Variants in PRKD1 observed in about 807,000 individuals in gnomAD.
The protein encoded by PRKD1 is serine/threonine-protein kinase D1.
Under a neutral mutation model 95.9 loss-of-function variants are expected in PRKD1, and 63 were observed. That is an observed-to-expected ratio of 0.66 (90% CI 0.54 to 0.81). The LOEUF is 0.81. Ranked by LOEUF, PRKD1 falls within the 30% of genes least tolerant of loss-of-function variation. The pLI is 0.00. For synonymous variants in PRKD1, 425 were observed against 423.1 expected (o/e 1.00, Z -0.05); for missense variants, 1,048 against 1,165.3 (o/e 0.90, Z 1.47).
In PRKD1 at chr14:29,894,620, C is replaced by T. The variant is rs553957324; in HGVS notation, c.264+32629G>A. 5.3e-5 allele frequency among the ~76,000 whole-genome samples: 8 copies of T among 152,240 alleles called. No homozygotes were observed. The South Asian group carries it at 1.0e-3, about 20-fold the overall frequency. On this transcript the variant is annotated intron_variant, in intron 1 of 17. Coordinates refer to ENST00000331968, the MANE Select transcript of PRKD1 (RefSeq NM_002742.3). Reference sequence around the variant, plus strand: ...ACTTGTAGTATAGCAAAACTGACAACGTCTATCTAGGACCATGGGGTTAAC... The same window carrying T: ...ACTTGTAGTATAGCAAAACTGACAATGTCTATCTAGGACCATGGGGTTAAC...
intron 7 of PRKD1, among the ~76,000 whole-genome samples, chr14:29,635,223 A>G (rs915884012): frequency 1.3e-5 from 2 of 152,194 alleles, no homozygotes; most frequent in African/African-American, 4.8e-5. Context: ...TCAATCATTT[A>G]GAGATTACAT....
intron 2 of PRKD1, among the ~76,000 whole-genome samples, chr14:29,721,589 T>C (rs941400374): frequency 2.6e-5 from 4 of 152,156 alleles, no homozygotes; most frequent in Non-Finnish European, 4.4e-5. Flanking sequence ...CAGGATTTGA[T>C]AGAGGCCCAT....
intron 4 of PRKD1, among the ~76,000 whole-genome samples, chr14:29,651,732 TTTTA>T (rs1215768105): frequency 1.3e-5 from 2 of 152,148 alleles, no homozygotes; most frequent in South Asian, 2.1e-4. Flanking sequence ...TTTTCATATT[TTTTA>T]TTTATTATTT....
At position 29,581,038 on chromosome 14, in the gene PRKD1, A is replaced by G. The variant is rs1412549441; in HGVS notation, c.2435-2678T>C. On this transcript the variant is annotated intron_variant, in intron 16 of 17. Transcript: ENST00000331968. ...TGACCTTTAATTCATATCCTACTCA[A>G]AGCAAAAAAAAAAAAGTGTTTTCTT... is the stretch of plus-strand genomic sequence containing the variant. Among the ~76,000 whole-genome samples the G allele has an allele frequency of 2.0e-5, 3 of 151,902 alleles. No individual in the cohort carries two copies. In the East Asian group the frequency reaches 5.8e-4, roughly 29 times the overall value.
At chr14:29,647,951 G>A (rs995625244) in intron 4 of PRKD1, among the ~76,000 whole-genome samples, 1 of 152,192 alleles carries the variant, frequency 6.6e-6, no homozygotes, top group African/African-American at 2.4e-5. Flanking sequence ...TTAATCATTA[G>A]GTAACATTCG....
Position 29,927,363 on chromosome 14 carries a change from C to T in PRKD1, c.150G>A (p.Ser50=). 2 of 1,563,722 alleles carry T rather than the reference C, an allele frequency of 1.3e-6. No individual in the cohort carries two copies. The highest frequency in any genetic ancestry group is 1.7e-4 in the Middle Eastern group (1 of 5,918). ...GGCTCAGGCCGATCTGCAGATGGAA[C>T]GAGATGCCCCCGACCGGGGCCGCGA... The part of the protein sequence containing the change: ...APVAAPVGGI[S]FHLQIGLSRE... Residue 50 remains serine, a synonymous_variant, in exon 1 of 18, where the codon TCG becomes TCA. Coordinates refer to ENST00000331968, the MANE Select transcript of PRKD1 (RefSeq NM_002742.3).
intron 1 of PRKD1, among the ~76,000 whole-genome samples, chr14:29,753,811 T>C (rs925163256): frequency 1.3e-5 from 2 of 152,290 alleles, no homozygotes; most frequent in Non-Finnish European, 2.9e-5. Flanking sequence ...CCTTGATGTC[T>C]AGTATATTCT....
chr14:29,826,439 TATATATACATATATATGATGGA>T (rs1297248341), intron 1 of PRKD1, among the ~76,000 whole-genome samples: 206 of 78,968 alleles, frequency 2.6e-3, no homozygotes, highest in East Asian at 5.7e-3. Flanking sequence ...TGATGGAATA[TATATATACATATATATGATGGA>T]ATATATATAC....
intron 1 of PRKD1, among the ~76,000 whole-genome samples, chr14:29,773,593 CTGTT>C (rs1019705026): frequency 6.6e-6 from 1 of 151,978 alleles, no homozygotes; most frequent in Non-Finnish European, 1.5e-5. Context: ...CTCATCAGAT[CTGTT>C]TGTTGATTCC....
rs943711617 is a variant in PRKD1, at chr14:29,655,170, T to C, written c.696+8529A>G. ...GATTATTTGAAAGGAAAGATACTAA[T>C]TCACATTTAAAATTATGTCTAGAAG... is the stretch of plus-strand genomic sequence containing the variant. On this transcript the variant is annotated intron_variant, in intron 4 of 17. Coordinates refer to ENST00000331968, the MANE Select transcript of PRKD1 (RefSeq NM_002742.3). 3.3e-5 allele frequency among the ~76,000 whole-genome samples: 5 copies of C among 152,212 alleles called. No individual in the cohort carries two copies. The East Asian group carries it at 7.7e-4, about 23-fold the overall frequency.
intron 1 of PRKD1, among the ~76,000 whole-genome samples, chr14:29,768,709 T>TAA (rs558238071): frequency 0.17 from 24,304 of 142,162 alleles, 2,145 homozygotes; most frequent in South Asian, 0.24. Context: ...TCTCCCTGAT[T>TAA]AAAAAAAAAA....
At chr14:29,782,784 A>T (rs539175934) in intron 1 of PRKD1, among the ~76,000 whole-genome samples, 4 of 152,198 alleles carry the variant, frequency 2.6e-5, no homozygotes, top group African/African-American at 9.6e-5. Flanking sequence ...GGCTCAACTA[A>T]TCCGCCGCCT....
At chr14:29,846,249 C>T (rs1163450967) in intron 1 of PRKD1, among the ~76,000 whole-genome samples, 2 of 151,972 alleles carry the variant, frequency 1.3e-5, no homozygotes. Flanking sequence ...AAACTATTAA[C>T]AAACAAATAT....
chr14:29,593,905 A>G (rs982359099), intron 16 of PRKD1, among the ~76,000 whole-genome samples: 1 of 152,160 alleles, frequency 6.6e-6, no homozygotes, highest in African/African-American at 2.4e-5. Flanking sequence ...AATGAGTAAA[A>G]TATTTCTATA....
intron 1 of PRKD1, among the ~76,000 whole-genome samples, chr14:29,851,669 T>C (rs1892311948): frequency 6.6e-6 from 1 of 152,170 alleles, no homozygotes; most frequent in African/African-American, 2.4e-5. Flanking sequence ...TGGAAAGCAG[T>C]TTGGAGACTG....
chr14:29,675,937 C>T, intron 2 of PRKD1, among the ~76,000 whole-genome samples: 1 of 133,410 alleles, frequency 7.5e-6, no homozygotes, highest in Non-Finnish European at 1.5e-5. Context: ...AATGAGAACA[C>T]TTGGACACAG....
intron 1 of PRKD1, among the ~76,000 whole-genome samples, chr14:29,807,519 C>A (rs1324094204): frequency 6.6e-6 from 1 of 152,000 alleles, no homozygotes; most frequent in Admixed American, 6.6e-5. Context: ...ACCTCAGCAT[C>A]CCAAGTAGCT....
intron 7 of PRKD1, among the ~76,000 whole-genome samples, chr14:29,635,711 C>T (rs1003017367): frequency 6.6e-6 from 1 of 152,154 alleles, no homozygotes; most frequent in African/African-American, 2.4e-5. Context: ...AATGGACAGG[C>T]TATGTTCCAA....
At chr14:29,692,403 ACTGAAAGCCAGATAACT>A (rs1268377275) in intron 2 of PRKD1, among the ~76,000 whole-genome samples, 2 of 152,142 alleles carry the variant, frequency 1.3e-5, no homozygotes, top group African/African-American at 4.8e-5. Context: ...CAGTTGTAAT[ACTGAAAGCCAGATAACT>A]CTACAACTTA....
Sources: gnomAD v4.1 joint callset for allele counts (sites outside exome capture counted in the v4.1 genomes callset) on GRCh38, gnomAD v4.1.1 for gene constraint, MANE v1.5 for transcripts, NCBI Gene and HGNC (gene_info 2026-07-23, HGNC 2026-07-21) for gene names.